DNAJA4: variants seen among roughly 807,000 people sequenced by gnomAD.
DNAJA4 encodes dnaJ homolog subfamily A member 4.
In DNAJA4, 32 loss-of-function variants were observed where a neutral mutation model predicts 39.7. That is an observed-to-expected ratio of 0.81 (90% CI 0.61 to 1.08). The LOEUF is 1.08. Ranked by LOEUF, DNAJA4 falls within the 50% of genes least tolerant of loss-of-function variation. The pLI is 0.00. For missense variants in DNAJA4, 439 were observed against 505.1 expected, an observed-to-expected ratio of 0.87 and a Z score of 1.25; for synonymous variants, 184 against 182.4, an observed-to-expected ratio of 1.01 and a Z score of -0.07.
chr15:78,271,665 G>GT (rs2049302629), intron 2 of DNAJA4, among the ~76,000 whole-genome samples: 1 of 152,182 alleles, frequency 6.6e-6, no homozygotes, highest in Admixed American at 6.5e-5. Context: ...CTCGGGATTT[G>GT]TTCTTCCTAA....
chr15:78,265,030 G>T, intron 1 of DNAJA4, 135 bp downstream of exon 1: 1 of 1,128,188 alleles, frequency 8.9e-7, no homozygotes, highest in Non-Finnish European at 1.2e-6. Context: ...GGCCAGGCCG[G>T]GCAGAGGTGG....
rs777336776 is a variant in DNAJA4 at position 78,275,516 on chromosome 15, A to C, written c.665A>C (p.Lys222Thr). The C allele has an allele frequency of 2.5e-6, 4 of 1,613,980 alleles. No individual in the cohort carries two copies. In the Admixed American group the frequency reaches 5.0e-5, roughly 20 times the overall value. Residue 222 changes from lysine to threonine, a missense_variant, in exon 5 of 7, where the codon AAG becomes ACG. By Grantham distance (78) the Lys-to-Thr change is moderately conservative (BLOSUM62 -1). Coordinates refer to ENST00000394852, the MANE Select transcript of DNAJA4 (RefSeq NM_001130182.2). Reference protein sequence around the residue: ...HVEKGMKDGQKILFHGEGDQE... With the variant: ...HVEKGMKDGQTILFHGEGDQE... ...TTCATAGGTATGAAAGATGGGCAAA[A>C]GATACTATTTCATGGAGAAGGAGAT...
intron 1 of DNAJA4, among the ~76,000 whole-genome samples, chr15:78,266,692 G>A (rs558881727): frequency 6.6e-6 from 1 of 152,294 alleles, no homozygotes; most frequent in East Asian, 1.9e-4. Context: ...CTACTTTAAT[G>A]GTGATTACTT....
At chr15:78,267,161 T>A (rs368331999) in intron 1 of DNAJA4, among the ~76,000 whole-genome samples, 2 of 109,642 alleles carry the variant, frequency 1.8e-5, no homozygotes, top group Non-Finnish European at 3.9e-5. Context: ...TGAGTGTGTA[T>A]GTGAGTGTGT....
In DNAJA4 at chr15:78,279,270, A is replaced by G. The variant is rs2049580777; in HGVS notation, c.878-775A>G. 1 of 136,884 alleles carries G rather than the reference A, an allele frequency of 7.3e-6. No homozygotes were observed. Among genetic ancestry groups the G allele is most frequent in the African/African-American group, 2.7e-5 (1 of 36,996 alleles). 8.5% of individuals were successfully genotyped at this position (136,884 alleles called of 1,614,324 possible). A position where few individuals can be genotyped will look rare whatever the true frequency, so the allele number is the denominator to read the frequency against. On this transcript the variant is annotated intron_variant, in intron 5 of 6. Transcript: ENST00000394852. The surrounding 1 kb of genome is among the most constrained non-coding windows in gnomAD (Gnocchi z 4.5). ...CCACCGTCTCCCCCATTTTTTCCGA[A>G]CATTTCTTTCTGTCTTTGTCCATTT... is the stretch of plus-strand genomic sequence containing the variant.
chr15:78,264,669 C>G lies in DNAJA4; in HGVS notation c.-95C>G, dbSNP rs887312742. The G allele has an allele frequency of 2.0e-6, 2 of 1,017,320 alleles. No individual in the cohort carries two copies. Among genetic ancestry groups the G allele is most frequent in the Non-Finnish European group, 2.4e-6 (2 of 850,120 alleles). 63.0% of individuals were successfully genotyped at this position (1,017,320 alleles called of 1,614,324 possible). A position where few individuals can be genotyped will look rare whatever the true frequency, so the allele number is the denominator to read the frequency against. On this transcript the variant is annotated 5_prime_UTR_variant, in exon 1 of 7. Transcript: ENST00000394852. ...ACCGTGACCGTGACGCGCGAGCGGG[C>G]GGCGGGGGCGCGGGCCAGGGGCGCG...
At chr15:78,264,214 C>T, upstream of DNAJA4, 1 of 856,792 alleles carries the variant, frequency 1.2e-6, no homozygotes, top group Non-Finnish European at 1.6e-6. Flanking sequence ...AGCCAGCCGG[C>T]TCCACGGACC....
In DNAJA4 at chr15:78,280,612, CT is replaced by C. The variant is rs1489337833; in HGVS notation, c.*156del. On this transcript the variant is annotated 3_prime_UTR_variant, in exon 7 of 7. Transcript: ENST00000394852. ...ATTGCTGAGTGTCTTTTTGGCTTTT[CT>C]TTTGGTTGTAACTTAAGTTATAGCT... 1.6e-6 allele frequency: 1 copy of C among 636,398 alleles called. No individual in the cohort carries two copies. The highest frequency in any genetic ancestry group is 1.8e-5 in the African/African-American group (1 of 54,692). 39.4% of individuals were successfully genotyped at this position (636,398 alleles called of 1,614,324 possible). A position where few individuals can be genotyped will look rare whatever the true frequency, so the allele number is the denominator to read the frequency against.
chr15:78,265,430 A>G, intron 1 of DNAJA4: 3 of 700,734 alleles, frequency 4.3e-6, no homozygotes, highest in East Asian at 2.7e-5. Flanking sequence ...CCTACTGCCT[A>G]CCTGATAAAA....
chr15:78,280,634 T>C lies in DNAJA4; in HGVS notation c.*174T>C. 1.7e-6 allele frequency: 1 copy of C among 573,634 alleles called. No individual in the cohort carries two copies. Among genetic ancestry groups the C allele is most frequent in the Non-Finnish European group, 3.1e-6 (1 of 327,746 alleles). The allele number at this position is 573,634 out of a possible 1,614,324, so 35.5% of individuals were successfully genotyped here. A position where few individuals can be genotyped will look rare whatever the true frequency, so the allele number is the denominator to read the frequency against. On this transcript the variant is annotated 3_prime_UTR_variant, in exon 7 of 7. Transcript: ENST00000394852. ...TTTCTTTTGGTTGTAACTTAAGTTA[T>C]AGCTTAATTTATATTTAAATGTTTT...
intron 1 of DNAJA4, chr15:78,269,872 T>C (rs1453583224): frequency 1.3e-5 from 2 of 152,194 alleles, no homozygotes; most frequent in Non-Finnish European, 2.9e-5. Flanking sequence ...CATGGGATAT[T>C]GTGTCTGTCT....
intron 1 of DNAJA4, among the ~76,000 whole-genome samples, chr15:78,268,123 A>G (rs1230184527): frequency 1.3e-5 from 2 of 152,234 alleles, no homozygotes; most frequent in African/African-American, 2.4e-5. Context: ...AGATCATTCT[A>G]TTAAGTCTAA....
intron 1 of DNAJA4, chr15:78,265,653 C>T (rs1192760041): frequency 1.4e-6 from 1 of 702,372 alleles, no homozygotes. Context: ...CTTTTTATCT[C>T]TAAAGAGGCT....
At chr15:78,270,796 G>A in intron 2 of DNAJA4, 119 bp downstream of exon 2, 1 of 1,154,784 alleles carries the variant, frequency 8.7e-7, no homozygotes, top group East Asian at 2.5e-5. Flanking sequence ...GGTGGTTCAT[G>A]TCTGTAATTT....
rs1398761900 is a variant in DNAJA4, at chr15:78,281,620, A to C, written c.*1160A>C. On this transcript the variant is annotated 3_prime_UTR_variant, in exon 7 of 7. Coordinates refer to ENST00000394852, the MANE Select transcript of DNAJA4 (RefSeq NM_001130182.2). Reference sequence around the variant, plus strand: ...ATTTTATTCATGACAGGTAGACTACAATTCGAACTTAGGGTTACCTCAGTC... The same window carrying C: ...ATTTTATTCATGACAGGTAGACTACCATTCGAACTTAGGGTTACCTCAGTC... 2.6e-5 allele frequency: 4 copies of C among 152,250 alleles called. No homozygotes were observed. Among genetic ancestry groups the C allele is most frequent in the Admixed American group, 1.3e-4 (2 of 15,288 alleles). 9.4% of individuals were successfully genotyped at this position (152,250 alleles called of 1,614,324 possible). A position where few individuals can be genotyped will look rare whatever the true frequency, so the allele number is the denominator to read the frequency against.
intron 4 of DNAJA4, 184 bp downstream of exon 4, chr15:78,274,608 C>T (rs767783107): frequency 3.2e-6 from 2 of 623,634 alleles, no homozygotes; most frequent in Non-Finnish European, 5.7e-6. Context: ...CATTCCATGT[C>T]ACCTGCCAAA....
chr15:78,273,912 G>A (rs1219583879), intron 3 of DNAJA4, among the ~76,000 whole-genome samples: 1 of 152,190 alleles, frequency 6.6e-6, no homozygotes, highest in Non-Finnish European at 1.5e-5. Flanking sequence ...GGGCCTATGC[G>A]AGTTCCACCT....
Position 78,267,181 on chromosome 15 carries a change from AGTGTGTGT to A in DNAJA4, c.132+2290_132+2297del, listed in dbSNP as rs796738360. On this transcript the variant is annotated intron_variant, in intron 1 of 6. Transcript: ENST00000394852. ...GTGTATGTGAGTGTGTGAGTGTGTGAGTGTGTGTGTGAGTGTGTATGTGAGTGTGTATG... is the reference window on the plus strand; with the variant it reads ...GTGTATGTGAGTGTGTGAGTGTGTGAGTGAGTGTGTATGTGAGTGTGTATG... Among the ~76,000 whole-genome samples, 35 of 90,162 alleles carry A rather than the reference AGTGTGTGT, an allele frequency of 3.9e-4. 1 individual carries two copies. The South Asian group carries it at 6.9e-3, about 18-fold the overall frequency. 59.1% of individuals were successfully genotyped at this position (90,162 alleles called of 152,430 possible).
intron 2 of DNAJA4, among the ~76,000 whole-genome samples, chr15:78,272,533 T>C (rs2049330675): frequency 6.6e-6 from 1 of 152,214 alleles, no homozygotes; most frequent in Admixed American, 6.5e-5. Context: ...CTTGACAGGC[T>C]GGCAGGTGCT....
Sources: allele counts gnomAD v4.1 joint callset (sites outside exome capture counted in the v4.1 genomes callset), GRCh38; gene constraint gnomAD v4.1.1; non-coding constraint Gnocchi (gnomAD v3.1); transcripts MANE v1.5; gene names NCBI Gene and HGNC (gene_info 2026-07-23, HGNC 2026-07-21).